Variants in NDRG4 observed in about 807,000 individuals in gnomAD.
NDRG4 encodes protein NDRG4.
A neutral mutation model predicts 55.8 loss-of-function variants in NDRG4; 38 were observed. The observed-to-expected ratio is 0.68, with a 90% confidence interval of 0.53 to 0.89. The LOEUF is 0.89. Ranked by LOEUF, NDRG4 falls within the 40% of genes least tolerant of loss-of-function variation. The pLI is 0.00. For missense variants in NDRG4, 455 were observed against 468.6 expected, an observed-to-expected ratio of 0.97 and a Z score of 0.27; for synonymous variants, 190 against 182.7, an observed-to-expected ratio of 1.04 and a Z score of -0.32.
upstream of NDRG4, among the ~76,000 whole-genome samples, chr16:58,497,326 AAAAG>A (rs1382651691): frequency 1.3e-5 from 2 of 152,184 alleles, no homozygotes; most frequent in East Asian, 1.9e-4. Context: ...TGTCTCCAAA[AAAAG>A]AAGAAGAAGA....
At chr16:58,487,161 C>G (rs181396870) in intron 1 of NDRG4, among the ~76,000 whole-genome samples, 1 of 152,278 alleles carries the variant, frequency 6.6e-6, no homozygotes, top group East Asian at 1.9e-4. Context: ...CAGAATGTTG[C>G]ATGTAATTGT....
Position 58,511,933 on chromosome 16 carries a change from G to C in NDRG4, c.*357G>C. 2.2e-6 allele frequency: 1 copy of C among 450,408 alleles called. No homozygotes were observed. Among genetic ancestry groups the C allele is most frequent in the Non-Finnish European group, 4.4e-6 (1 of 228,904 alleles). 27.9% of individuals were successfully genotyped at this position (450,408 alleles called of 1,614,324 possible). On this transcript the variant is annotated 3_prime_UTR_variant, in exon 15 of 15. Transcript: ENST00000570248. ...CATGTTTGGAGATGAGAGAGGCTTC[G>C]AGAGGGTGGGTGCTGGGCCACAGGG...
intron 2 of NDRG4, among the ~76,000 whole-genome samples, chr16:58,494,098 C>T (rs1232806771): frequency 6.6e-6 from 1 of 152,244 alleles, no homozygotes. Flanking sequence ...TCATCCAGAT[C>T]TGTTTGTGTC....
Position 58,512,895 on chromosome 16 carries a change from A to C in NDRG4, c.*1319A>C, listed in dbSNP as rs1441951137. The C allele has an allele frequency of 1.3e-5, 2 of 152,618 alleles. No individual in the cohort carries two copies. Among genetic ancestry groups the C allele is most frequent in the East Asian group, 3.9e-4 (2 of 5,186 alleles). The allele number at this position is 152,618 out of a possible 1,614,324, so 9.5% of individuals were successfully genotyped here. ...AAACATGCAGGGCTGTGGACGGGGG[A>C]AGGGTTGTGGCGGGTGTTCTGAGGC... On this transcript the variant is annotated 3_prime_UTR_variant, in exon 15 of 15. Transcript: ENST00000570248.
At chr16:58,509,900 A>C (rs1004621174) in intron 13 of NDRG4, among the ~76,000 whole-genome samples, 4 of 152,076 alleles carry the variant, frequency 2.6e-5, no homozygotes, top group African/African-American at 9.7e-5. Flanking sequence ...GGCAGATCTG[A>C]AAATCTGGGT....
chr16:58,475,563 AT>A (rs1233985896), intron 1 of NDRG4: 5 of 454,134 alleles, frequency 1.1e-5, no homozygotes, highest in Non-Finnish European at 8.8e-6. Context: ...CAGAAAACCC[AT>A]GGTAATAATA....
intron 5 of NDRG4, 96 bp downstream of exon 5, chr16:58,504,745 G>C (rs2037628480): frequency 7.3e-7 from 1 of 1,372,246 alleles, no homozygotes; most frequent in Non-Finnish European, 1.0e-6. Context: ...CCTTGAGGAA[G>C]TGTCCCTGCT....
At chr16:58,502,746 C>A (rs1157137087) in intron 1 of NDRG4, among the ~76,000 whole-genome samples, 1 of 152,174 alleles carries the variant, frequency 6.6e-6, no homozygotes, top group African/African-American at 2.4e-5. Context: ...ATGTCCTTGA[C>A]CCCAGCCCCA....
Position 58,464,205 on chromosome 16 carries a change from T to G in NDRG4, c.-24+408T>G. 4 of 384,778 alleles carry G rather than the reference T, an allele frequency of 1.0e-5. No individual in the cohort carries two copies. The highest frequency in any genetic ancestry group is 1.4e-5 in the Non-Finnish European group (3 of 218,934). 23.8% of individuals were successfully genotyped at this position (384,778 alleles called of 1,614,324 possible). A position where few individuals can be genotyped will look rare whatever the true frequency, so the allele number is the denominator to read the frequency against. On this transcript the variant is annotated intron_variant, in intron 1 of 15. Transcript: ENST00000258187. The surrounding 1 kb of genome is among the most constrained non-coding windows in gnomAD (Gnocchi z 4.8). ...GGGACCAGGTGGCGGCGGGTGCCTT[T>G]TTGGGGGTGCGCGGCCATGCAATTG...
At chr16:58,488,860 G>T (rs1484608148) in intron 2 of NDRG4, among the ~76,000 whole-genome samples, 3 of 152,152 alleles carry the variant, frequency 2.0e-5, no homozygotes, top group Admixed American at 2.0e-4. Context: ...CTGCCCTGGT[G>T]GGGTGGTGAC....
intron 10 of NDRG4, among the ~76,000 whole-genome samples, chr16:58,508,528 T>G (rs2038350142): frequency 6.6e-6 from 1 of 152,154 alleles, no homozygotes; most frequent in Non-Finnish European, 1.5e-5. Flanking sequence ...AGCAGCCCCG[T>G]GCGCCCTGAA....
chr16:58,512,432 C>G lies in NDRG4; in HGVS notation c.*856C>G, dbSNP rs1259589613. 5 of 260,254 alleles carry G rather than the reference C, an allele frequency of 1.9e-5. No homozygotes were observed. The highest frequency in any genetic ancestry group is 1.5e-5 in the Non-Finnish European group (2 of 131,750). 16.1% of individuals were successfully genotyped at this position (260,254 alleles called of 1,614,324 possible). ...TTGGGAGCCCGCAGGTGGCCAGAGG[C>G]AGGGGTAGCTGAGTTCCTGGAGACC... On this transcript the variant is annotated 3_prime_UTR_variant, in exon 15 of 15. Transcript: ENST00000570248.
At chr16:58,514,791 G>C (rs1229768816), downstream of NDRG4, among the ~76,000 whole-genome samples, 1 of 146,746 alleles carries the variant, frequency 6.8e-6, no homozygotes, top group East Asian at 2.0e-4. Context: ...ACTGAGTGTT[G>C]AGCTGCGGCG....
intron 1 of NDRG4, chr16:58,501,977 A>G (rs775923672): frequency 8.8e-6 from 4 of 455,544 alleles, no homozygotes; most frequent in South Asian, 6.2e-5. Context: ...TTGCAGCCCC[A>G]CCCTCCAGAG....
intron 1 of NDRG4, among the ~76,000 whole-genome samples, chr16:58,502,934 A>G (rs1363377758): frequency 6.6e-6 from 1 of 152,250 alleles, no homozygotes; most frequent in Non-Finnish European, 1.5e-5. Flanking sequence ...ATGCCCTAGC[A>G]TAACAGCCCC....
intron 1 of NDRG4, among the ~76,000 whole-genome samples, chr16:58,466,954 G>A (rs548460289): frequency 2.0e-5 from 3 of 152,250 alleles, no homozygotes; most frequent in Admixed American, 2.0e-4. Flanking sequence ...TAGAGCATTT[G>A]GATCTGCCCC....
In NDRG4 at chr16:58,509,343, A is replaced by C. The variant is rs752166461; in HGVS notation, c.856A>C (p.Met286Leu). ...TEAFKYFLQGMGYIAYLKDRR... is the reference protein window; with the variant it reads ...TEAFKYFLQGLGYIAYLKDRR... ...AGCCTTCAAATACTTCCTGCAAGGC[A>C]TGGGCTACAGTGAGTACATTTCCAC... The change falls in exon 13 of 15, where the codon ATG becomes CTG. Residue 286 changes from methionine to leucine, a missense_variant. Physicochemically the swap from Met to Leu is conservative, Grantham distance 15 (BLOSUM62 2). Coordinates refer to ENST00000570248, the MANE Select transcript of NDRG4 (RefSeq NM_001242835.2). 1.9e-6 allele frequency: 3 copies of C among 1,613,832 alleles called. No individual in the cohort carries two copies. Among genetic ancestry groups the C allele is most frequent in the Non-Finnish European group, 2.5e-6 (3 of 1,179,984 alleles).
At position 58,513,168 on chromosome 16, in the gene NDRG4, A is replaced by ATATGTGTGTGTGTGTGTGTGTG. The variant is rs142085550; in HGVS notation, c.*1593_*1594insATGTGTGTGTGTGTGTGTGTGT. On this transcript the variant is annotated 3_prime_UTR_variant, in exon 15 of 15. Transcript: ENST00000570248. ...GTATCTATAAATATCTATACATTAT[A>ATATGTGTGTGTGTGTGTGTGTG]TGTGTGTGTGTGTGTGTGTGTGTGT... The ATATGTGTGTGTGTGTGTGTGTG allele has an allele frequency of 6.7e-5, 10 of 150,136 alleles. No individual in the cohort carries two copies. Among genetic ancestry groups the ATATGTGTGTGTGTGTGTGTGTG allele is most frequent in the South Asian group, 2.1e-4 (1 of 4,716 alleles). 9.3% of individuals were successfully genotyped at this position (150,136 alleles called of 1,614,324 possible).
At position 58,512,334 on chromosome 16, in the gene NDRG4, T is replaced by G; in HGVS notation, c.*758T>G. 1 of 332,326 alleles carries G rather than the reference T, an allele frequency of 3.0e-6. No individual in the cohort carries two copies. Among genetic ancestry groups the G allele is most frequent in the South Asian group, 2.2e-5 (1 of 45,984 alleles). The allele number at this position is 332,326 out of a possible 1,614,324, so 20.6% of individuals were successfully genotyped here. A position where few individuals can be genotyped will look rare whatever the true frequency, so the allele number is the denominator to read the frequency against. On this transcript the variant is annotated 3_prime_UTR_variant, in exon 15 of 15. Coordinates refer to ENST00000570248, the MANE Select transcript of NDRG4 (RefSeq NM_001242835.2). ...TCCTCTGTCCCCACAGTGACCTGAC[T>G]GGGGGTGAGGGAGAAGGAGGAGAGA...
Sources: allele counts gnomAD v4.1 joint callset (sites outside exome capture counted in the v4.1 genomes callset), GRCh38; gene constraint gnomAD v4.1.1; non-coding constraint Gnocchi (gnomAD v3.1); transcripts MANE v1.5; gene names NCBI Gene and HGNC (gene_info 2026-07-23, HGNC 2026-07-21).